The following SLC71A1 variants were observed in gnomAD, a reference collection of about 807,000 sequenced individuals.
SLC71A1 encodes the protein solute carrier family 71 member 1, also known as hippocampus abundant gene transcript 1.
At chr1:100,082,564 C>G in the SLC71A1 span, 1 of 223,976 alleles carries the variant, frequency 4.5e-6, no homozygotes, top group Non-Finnish European at 9.0e-6. Context: ...TATGCTGACT[C>G]AGTGAGACAC....
chr1:100,040,622 G>A, the SLC71A1 span, among the ~76,000 whole-genome samples: 4 of 151,938 alleles, frequency 2.6e-5, no homozygotes, highest in Admixed American at 1.3e-4. Context: ...CACCATGCCT[G>A]GCTAATTTTT....
the SLC71A1 span, among the ~76,000 whole-genome samples, chr1:100,055,224 G>A: frequency 1.3e-5 from 2 of 152,092 alleles, no homozygotes; most frequent in African/African-American, 4.8e-5. Flanking sequence ...ATTATTGAAA[G>A]AAAAGCATAA....
the SLC71A1 span, chr1:100,082,352 AG>A: frequency 3.1e-6 from 2 of 654,904 alleles, no homozygotes; most frequent in Non-Finnish European, 5.2e-6. Flanking sequence ...TGGGAACTAA[AG>A]GAAGTGGGAA....
At chr1:100,073,097 C>G in the SLC71A1 span, among the ~76,000 whole-genome samples, 1 of 152,308 alleles carries the variant, frequency 6.6e-6, no homozygotes, top group South Asian at 2.1e-4. Context: ...TAGCGACATT[C>G]ATGAATCCTT....
chr1:100,050,035 A>T, the SLC71A1 span: 1 of 1,134,260 alleles, frequency 8.8e-7, no homozygotes, highest in Non-Finnish European at 1.3e-6. Flanking sequence ...TTTAACACTG[A>T]CTCCAAAATC....
chr1:100,065,390 A>G, the SLC71A1 span, among the ~76,000 whole-genome samples: 2 of 152,242 alleles, frequency 1.3e-5, no homozygotes, highest in Admixed American at 1.3e-4. Context: ...GCATAGAAAC[A>G]GAATAAAATT....
chr1:100,051,187 T>C, the SLC71A1 span, among the ~76,000 whole-genome samples: 2 of 151,272 alleles, frequency 1.3e-5, no homozygotes, highest in Non-Finnish European at 2.9e-5. Context: ...GGTCAAGAGA[T>C]TGAGACCATC....
chr1:100,083,126 T>TTTA, the SLC71A1 span: 1 of 152,624 alleles, frequency 6.6e-6, no homozygotes, highest in South Asian at 2.1e-4. Flanking sequence ...AGAGGAGAGC[T>TTTA]TTATACAATT....
the SLC71A1 span, chr1:100,060,038 A>T: frequency 6.4e-7 from 1 of 1,551,034 alleles, no homozygotes; most frequent in Middle Eastern, 1.7e-4. Context: ...GCAACTAAAT[A>T]TCACTTTCAG....
the SLC71A1 span, among the ~76,000 whole-genome samples, chr1:100,044,511 A>ATTTTTT: frequency 9.7e-6 from 1 of 103,148 alleles, no homozygotes; most frequent in East Asian, 2.6e-4. Flanking sequence ...TACTCTGCTG[A>ATTTTTT]TTTTTTTTTT....
At chr1:100,048,415 A>T in the SLC71A1 span, among the ~76,000 whole-genome samples, 1 of 152,046 alleles carries the variant, frequency 6.6e-6, no homozygotes, top group Non-Finnish European at 1.5e-5. Context: ...CTTGACCTCA[A>T]GTGATCTGCC....
At chr1:100,061,355 T>TG in the SLC71A1 span, among the ~76,000 whole-genome samples, 30 of 152,350 alleles carry the variant, frequency 2.0e-4, no homozygotes, top group Admixed American at 7.2e-4. Context: ...TTATTTGTTT[T>TG]GCCAGCATTT....
the SLC71A1 span, among the ~76,000 whole-genome samples, chr1:100,054,313 A>G: frequency 5.9e-5 from 9 of 152,114 alleles, no homozygotes; most frequent in African/African-American, 1.7e-4. Context: ...TCCCAGGTTC[A>G]AGCAGTTCTC....
chr1:100,080,081 C>G, the SLC71A1 span: 1 of 154,642 alleles, frequency 6.5e-6, no homozygotes, highest in Non-Finnish European at 1.4e-5. Flanking sequence ...AAGTTTGCGC[C>G]ACTGCACTCC....
At chr1:100,048,636 T>G in the SLC71A1 span, among the ~76,000 whole-genome samples, 44 of 152,346 alleles carry the variant, frequency 2.9e-4, 1 homozygote, top group African/African-American at 1.0e-3. Flanking sequence ...CTTCCTCTTT[T>G]CTTTATCAAA....
the SLC71A1 span, among the ~76,000 whole-genome samples, chr1:100,058,474 A>G: frequency 6.6e-6 from 1 of 152,182 alleles, no homozygotes; most frequent in Non-Finnish European, 1.5e-5. Context: ...AAAGTGCCCA[A>G]TGTAGTGCCC....
the SLC71A1 span, chr1:100,082,466 A>C: frequency 1.3e-5 from 6 of 462,230 alleles, no homozygotes; most frequent in Non-Finnish European, 2.4e-5. Flanking sequence ...TTTATTATAC[A>C]TCCTTTAATT....
chr1:100,080,433 G>T, the SLC71A1 span: 1 of 1,354,662 alleles, frequency 7.4e-7, no homozygotes, highest in Non-Finnish European at 1.0e-6. Flanking sequence ...ATTTGTACTG[G>T]TTCTAAGGTA....
chr1:100,077,906 A>G, the SLC71A1 span, among the ~76,000 whole-genome samples: 1 of 152,234 alleles, frequency 6.6e-6, no homozygotes, highest in Admixed American at 6.5e-5. Context: ...GATATAAGCA[A>G]GCATCAAGAG....
Sources: allele counts gnomAD v4.1 joint callset (sites outside exome capture counted in the v4.1 genomes callset), GRCh38; gene constraint gnomAD v4.1.1; transcripts MANE v1.5; gene names NCBI Gene and HGNC (gene_info 2026-07-23, HGNC 2026-07-21).